The following MAF variants were observed in gnomAD, a reference collection of about 807,000 sequenced individuals.
MAF encodes the protein MAF bZIP transcription factor.
A neutral mutation model predicts 22.0 loss-of-function variants in MAF; 10 were observed. That is an observed-to-expected ratio of 0.45 (90% CI 0.28 to 0.77). The LOEUF is 0.77. Ranked by LOEUF, MAF falls within the 30% of genes least tolerant of loss-of-function variation. MAF has a pLI of 0.12. For synonymous variants in MAF, 337 were observed against 255.8 expected, an observed-to-expected ratio of 1.32 and a Z score of -3.03; for missense variants, 544 against 548.4, an observed-to-expected ratio of 0.99 and a Z score of 0.08.
chr16:79,517,373 T>C, the MAF span, among the ~76,000 whole-genome samples: 1 of 152,268 alleles, frequency 6.6e-6, no homozygotes, highest in South Asian at 2.1e-4. Context: ...GTCATTGTGC[T>C]GTTTCACTTA....
chr16:79,421,438 C>G, the MAF span, among the ~76,000 whole-genome samples: 1 of 152,188 alleles, frequency 6.6e-6, no homozygotes, highest in Non-Finnish European at 1.5e-5. Context: ...ATAGTTTTGG[C>G]TTTTCCACAA....
chr16:79,376,852 C>T, the MAF span, among the ~76,000 whole-genome samples: 6,442 of 152,256 alleles, frequency 0.042, 271 homozygotes, highest in East Asian at 0.19. Flanking sequence ...AGGACATGAA[C>T]TCATCATTTT....
intron 1 of MAF, chr16:79,596,668 G>T: frequency 9.6e-7 from 1 of 1,036,878 alleles, no homozygotes; most frequent in South Asian, 4.6e-5. Context: ...ATTGTGGTAA[G>T]ATTTACTTTT....
At chr16:79,364,666 C>T in the MAF span, among the ~76,000 whole-genome samples, 1 of 152,086 alleles carries the variant, frequency 6.6e-6, no homozygotes, top group Non-Finnish European at 1.5e-5. Context: ...TTCCAGAATC[C>T]ATGTGTATAT....
rs114027174 is a variant in MAF, at chr16:79,587,422, G to A, written c.1119-1481C>T. Among the ~76,000 whole-genome samples, 180 of 144,712 alleles carry A rather than the reference G, an allele frequency of 1.2e-3. 1 individual carries two copies. The highest frequency in any genetic ancestry group is 4.1e-3 in the African/African-American group (167 of 40,350). The allele number at this position is 144,712 out of a possible 152,430, so 94.9% of individuals were successfully genotyped here. ...TCTTTAAAAAAAAACTTCCCCGATA[G>A]GATTACTTTTTTTTTAATCTTTAGA... On this transcript the variant is annotated intron_variant, in intron 1 of 1. Coordinates refer to the MAF transcript ENST00000569649.
At chr16:79,499,944 G>C in the MAF span, among the ~76,000 whole-genome samples, 2 of 152,156 alleles carry the variant, frequency 1.3e-5, no homozygotes, top group African/African-American at 4.8e-5. Flanking sequence ...CATAAATGCA[G>C]TCATATCTAT....
At chr16:79,218,692 G>A in the MAF span, among the ~76,000 whole-genome samples, 4 of 152,122 alleles carry the variant, frequency 2.6e-5, no homozygotes, top group African/African-American at 9.7e-5. Flanking sequence ...TAAAGTATAA[G>A]CATTCTGTCT....
chr16:79,598,497 C>T (rs747123596), intron 1 of MAF: 194 of 1,296,978 alleles, frequency 1.5e-4, no homozygotes, highest in Middle Eastern at 3.1e-4. Context: ...TGGAGAATTT[C>T]AGATTGGCAA....
the MAF span, among the ~76,000 whole-genome samples, chr16:79,382,897 T>C: frequency 2.0e-5 from 3 of 152,318 alleles, no homozygotes; most frequent in East Asian, 3.9e-4. Flanking sequence ...CTTTGCAAAG[T>C]AGTACTAATG....
the MAF span, among the ~76,000 whole-genome samples, chr16:79,550,832 G>A: frequency 5.3e-5 from 8 of 152,124 alleles, no homozygotes; most frequent in African/African-American, 1.7e-4. Flanking sequence ...TATTGTAAAG[G>A]GAAGAGGAAC....
chr16:79,597,268 T>C, intron 1 of MAF: 19 of 1,047,708 alleles, frequency 1.8e-5, no homozygotes, highest in South Asian at 4.6e-5. Flanking sequence ...TAGCATACAT[T>C]TTAACTGGGC....
chr16:79,267,172 T>A, the MAF span, among the ~76,000 whole-genome samples: 1 of 152,194 alleles, frequency 6.6e-6, no homozygotes, highest in East Asian at 1.9e-4. Context: ...AAGTTACAGG[T>A]CACCATGGAT....
the MAF span, among the ~76,000 whole-genome samples, chr16:79,381,428 A>G: frequency 3.3e-5 from 5 of 152,328 alleles, no homozygotes; most frequent in South Asian, 1.0e-3. Context: ...TTACCCTGGG[A>G]AAACAGAAGG....
chr16:79,250,014 T>C, the MAF span, among the ~76,000 whole-genome samples: 1 of 152,246 alleles, frequency 6.6e-6, no homozygotes, highest in African/African-American at 2.4e-5. Context: ...GCCTCCTACA[T>C]TAACTGAATT....
chr16:79,411,099 T>A, the MAF span, among the ~76,000 whole-genome samples: 1 of 152,142 alleles, frequency 6.6e-6, no homozygotes, highest in Non-Finnish European at 1.5e-5. Flanking sequence ...ATTCACCAAC[T>A]CCTCCCTTGT....
chr16:79,240,412 T>C, the MAF span, among the ~76,000 whole-genome samples: 1,477 of 139,364 alleles, frequency 0.011, 29 homozygotes, highest in African/African-American at 0.036. Context: ...AGGACCTCTC[T>C]AGCCAACATC....
At chr16:79,232,087 C>T in the MAF span, among the ~76,000 whole-genome samples, 7 of 152,088 alleles carry the variant, frequency 4.6e-5, no homozygotes, top group South Asian at 2.1e-4. Context: ...CAATGGGGAA[C>T]GGCTGCAATT....
chr16:79,595,697 A>G (rs1252046699), intron 1 of MAF: 2 of 1,058,284 alleles, frequency 1.9e-6, no homozygotes, highest in Non-Finnish European at 1.1e-6. Context: ...CCAGTAAATC[A>G]AAGCACAGCC....
chr16:79,533,837 A>G, the MAF span, among the ~76,000 whole-genome samples: 4 of 152,180 alleles, frequency 2.6e-5, no homozygotes, highest in African/African-American at 9.7e-5. Context: ...CTTCCTTTGA[A>G]AATAACATTC....
Sources: allele counts gnomAD v4.1 joint callset (sites outside exome capture counted in the v4.1 genomes callset), GRCh38; gene constraint gnomAD v4.1.1; transcripts MANE v1.5; gene names NCBI Gene and HGNC (gene_info 2026-07-23, HGNC 2026-07-21).